The following SLC4A4 variants were observed in gnomAD, a reference collection of about 807,000 sequenced individuals.
The protein encoded by SLC4A4 is solute carrier family 4 member 4.
SLC4A4 carries 27 observed loss-of-function variants against 111.5 expected under a neutral mutation model. The ratio of observed to expected loss-of-function variants is 0.24; its 90% CI spans 0.18 to 0.33. The LOEUF (loss-of-function observed/expected upper bound fraction) is 0.33. Ranked by LOEUF, SLC4A4 falls within the 10% of genes least tolerant of loss-of-function variation. The probability of loss-of-function intolerance (pLI) is 1.00; values close to 1 mark genes in which losing one functional copy is unlikely to be tolerated. For missense variants in SLC4A4, 909 were observed against 1,315.5 expected, an observed-to-expected ratio of 0.69 and a Z score of 4.78; for synonymous variants, 443 against 463.4, an observed-to-expected ratio of 0.96 and a Z score of 0.57.
In SLC4A4 at chr4:71,440,701, C is replaced by T; in HGVS notation, c.893C>T (p.Pro298Leu). 1.2e-6 allele frequency: 2 copies of T among 1,614,078 alleles called. No homozygotes were observed. The highest frequency in any genetic ancestry group is 8.5e-7 in the Non-Finnish European group (1 of 1,179,990). Residue 298 changes from proline (P) to leucine (L), a missense_variant, in exon 8 of 26, where the codon CCT becomes CTT. Pro to Leu is a moderately conservative substitution (Grantham distance 98). This residue lies in a region of SLC4A4 where 312 missense variants were observed against 402.0 expected (regional missense o/e 0.78). Coordinates refer to ENST00000264485, the MANE Select transcript of SLC4A4 (RefSeq NM_001098484.3). ...GGGGAGGTTGACTTTTTGGATACTCCTTTCATTGCCTTTGTTAGGCTACAG... is the reference window on the plus strand; with the variant it reads ...GGGGAGGTTGACTTTTTGGATACTCTTTTCATTGCCTTTGTTAGGCTACAG... Reference protein sequence around the residue: ...LVGEVDFLDTPFIAFVRLQQA... With the variant: ...LVGEVDFLDTLFIAFVRLQQA...
chr4:71,178,454 G>A (rs902846570), intron 2 of SLC4A4, among the ~76,000 whole-genome samples: 10 of 151,940 alleles, frequency 6.6e-5, no homozygotes, highest in Middle Eastern at 3.4e-3. Context: ...TTGATAGACC[G>A]CTAGCAAGAC....
rs1560593238 is a variant in SLC4A4, at chr4:71,532,144, C to T, written c.2249C>T (p.Thr750Ile). ...ATAGATGCCCTAGTAGGCGTGGACA[C>T]CCCAAAACTAATTGTGCCAAGTGAG... ...CVIDALVGVD[T>I]PKLIVPSEFK... The change falls in exon 17 of 26, where the codon ACC becomes ATC. Residue 750 changes from threonine to isoleucine, a missense_variant. Physicochemically the swap from Thr to Ile is moderately conservative, Grantham distance 89. Around this residue, in one of 7 missense-constraint regions of SLC4A4, gnomAD observed 264 missense variants for 356.8 expected, o/e 0.74. Coordinates refer to ENST00000264485, the MANE Select transcript of SLC4A4 (RefSeq NM_001098484.3). 1.2e-6 allele frequency: 2 copies of T among 1,611,042 alleles called. No homozygotes were observed. Among genetic ancestry groups the T allele is most frequent in the South Asian group, 1.1e-5 (1 of 91,020 alleles).
intron 1 of SLC4A4, among the ~76,000 whole-genome samples, chr4:71,201,047 G>C (rs933493622): frequency 4.6e-5 from 7 of 152,210 alleles, no homozygotes; most frequent in African/African-American, 1.4e-4. Flanking sequence ...TGGAGCCAGA[G>C]AGCCCAGGCT....
chr4:71,087,412 T>A (rs1171548370), intron 1 of SLC4A4, among the ~76,000 whole-genome samples: 5 of 152,082 alleles, frequency 3.3e-5, no homozygotes, highest in African/African-American at 1.2e-4. Context: ...CCTTCAGTTC[T>A]GCTCTGATCT....
intron 16 of SLC4A4, among the ~76,000 whole-genome samples, chr4:71,517,210 T>C (rs1043308911): frequency 1.3e-5 from 2 of 152,102 alleles, no homozygotes; most frequent in Non-Finnish European, 2.9e-5. Flanking sequence ...CTTTTTCTTC[T>C]TGCTCTCCTA....
chr4:71,190,450 G>A (rs1745682933), intron 1 of SLC4A4, among the ~76,000 whole-genome samples: 1 of 151,306 alleles, frequency 6.6e-6, no homozygotes, highest in East Asian at 1.9e-4. Context: ...CATTTGTAGA[G>A]GTGGCTGATT....
At chr4:71,205,900 C>T (rs867778403) in intron 1 of SLC4A4, among the ~76,000 whole-genome samples, 5 of 152,180 alleles carry the variant, frequency 3.3e-5, no homozygotes, top group Middle Eastern at 3.2e-3. Context: ...AGTCATGGGA[C>T]TTTCTTACTA....
At chr4:71,084,729 C>A (rs546698335) in intron 1 of SLC4A4, among the ~76,000 whole-genome samples, 1 of 151,972 alleles carries the variant, frequency 6.6e-6, no homozygotes, top group African/African-American at 2.4e-5. Context: ...ACAAAGGACA[C>A]GAACTCACCT....
At chr4:71,504,628 T>A (rs1276083058) in intron 16 of SLC4A4, among the ~76,000 whole-genome samples, 1 of 148,516 alleles carries the variant, frequency 6.7e-6, no homozygotes, top group Non-Finnish European at 1.5e-5. Context: ...AATATTCTTT[T>A]TTTGGACCTC....
chr4:71,126,214 T>C (rs1327225109), intron 2 of SLC4A4, among the ~76,000 whole-genome samples: 2 of 152,192 alleles, frequency 1.3e-5, no homozygotes, highest in Non-Finnish European at 2.9e-5. Context: ...ATGTGCATAT[T>C]TTATCATGCA....
At chr4:71,374,478 C>G (rs1478787003) in intron 6 of SLC4A4, among the ~76,000 whole-genome samples, 1 of 152,138 alleles carries the variant, frequency 6.6e-6, no homozygotes, top group Non-Finnish European at 1.5e-5. Flanking sequence ...ATGTGGTATG[C>G]AAGAATGAGT....
At chr4:71,366,315 T>TGTGTGTG (rs1731303277) in intron 6 of SLC4A4, among the ~76,000 whole-genome samples, 2 of 137,914 alleles carry the variant, frequency 1.5e-5, no homozygotes, top group Non-Finnish European at 3.1e-5. Flanking sequence ...TCTGGAGATA[T>TGTGTGTG]TGTGTGTGTG....
chr4:71,217,506 T>C (rs1162385577), intron 1 of SLC4A4, among the ~76,000 whole-genome samples: 2 of 152,168 alleles, frequency 1.3e-5, no homozygotes, highest in South Asian at 2.1e-4. Flanking sequence ...GAGATTGTCA[T>C]GAGCTGAGAT....
intron 3 of SLC4A4, among the ~76,000 whole-genome samples, chr4:71,266,433 T>A (rs561855213): frequency 6.6e-6 from 1 of 152,334 alleles, no homozygotes; most frequent in African/African-American, 2.4e-5. Context: ...CAGTTTGGCT[T>A]TTAGGCAATT....
intron 3 of SLC4A4, among the ~76,000 whole-genome samples, chr4:71,280,988 C>T (rs1202423805): frequency 2.0e-5 from 3 of 152,000 alleles, no homozygotes; most frequent in Non-Finnish European, 4.4e-5. Flanking sequence ...AGGAAGTGGT[C>T]ACTGCAAAGA....
chr4:71,457,722 ACT>A (rs767212900), intron 12 of SLC4A4, among the ~76,000 whole-genome samples: 3 of 151,762 alleles, frequency 2.0e-5, no homozygotes, highest in Non-Finnish European at 2.9e-5. Flanking sequence ...TCATAACTAA[ACT>A]CTCTGTAACC....
intron 1 of SLC4A4, among the ~76,000 whole-genome samples, chr4:71,199,381 T>C (rs1159581856): frequency 6.6e-6 from 1 of 152,240 alleles, no homozygotes; most frequent in African/African-American, 2.4e-5. Flanking sequence ...ATTTCTGAAT[T>C]GAAACCAACA....
At chr4:71,390,060 G>A (rs1247291943) in intron 6 of SLC4A4, among the ~76,000 whole-genome samples, 2 of 152,082 alleles carry the variant, frequency 1.3e-5, no homozygotes, top group East Asian at 3.9e-4. Flanking sequence ...TATTTAGGGT[G>A]TGGGGGATGG....
chr4:71,451,456 G>A (rs1233030144), intron 11 of SLC4A4, among the ~76,000 whole-genome samples, 155 bp downstream of exon 11: 1 of 152,198 alleles, frequency 6.6e-6, no homozygotes, highest in Non-Finnish European at 1.5e-5. Context: ...GAATATAGCA[G>A]TGAATTAAAT....
Sources: allele counts gnomAD v4.1 joint callset (sites outside exome capture counted in the v4.1 genomes callset), GRCh38; gene constraint gnomAD v4.1.1; regional missense constraint gnomAD v4.1.1; transcripts MANE v1.5; gene names NCBI Gene and HGNC (gene_info 2026-07-23, HGNC 2026-07-21).